AGBL1: variants seen among roughly 807,000 people sequenced by gnomAD.
AGBL1 encodes AGBL carboxypeptidase 1.
In AGBL1, 130 loss-of-function variants were observed where a neutral mutation model predicts 118.9. The observed-to-expected ratio is 1.09, with a 90% CI of 0.95 to 1.26. The LOEUF is 1.26. Among genes scored for constraint, AGBL1 ranks in the 50% most tolerant of loss-of-function variants. The probability of loss-of-function intolerance (pLI) is 0.00; values close to 1 mark genes in which losing one functional copy is unlikely to be tolerated. For synonymous variants in AGBL1, 555 were observed against 478.9 expected, an observed-to-expected ratio of 1.16 and a Z score of -2.08; for missense variants, 1,584 against 1,298.1, an observed-to-expected ratio of 1.22 and a Z score of -3.38.
At chr15:86,230,194 CT>C (rs1412563704) in intron 6 of AGBL1, among the ~76,000 whole-genome samples, 1 of 152,184 alleles carries the variant, frequency 6.6e-6, no homozygotes. Context: ...ATTCTAAGTG[CT>C]GAGAGCCGGA....
chr15:86,477,297 G>C (rs1472077346), intron 18 of AGBL1, among the ~76,000 whole-genome samples: 1 of 152,064 alleles, frequency 6.6e-6, no homozygotes, highest in Non-Finnish European at 1.5e-5. Flanking sequence ...TCCAGGAGCT[G>C]GTTTTTTGAA....
At chr15:86,149,436 T>G (rs2077076812) in intron 3 of AGBL1, among the ~76,000 whole-genome samples, 1 of 152,062 alleles carries the variant, frequency 6.6e-6, no homozygotes, top group Non-Finnish European at 1.5e-5. Context: ...GAAGAAGATC[T>G]ACCAAGCAAA....
At chr15:86,621,147 G>C (rs1376764805) in intron 21 of AGBL1, among the ~76,000 whole-genome samples, 1 of 152,168 alleles carries the variant, frequency 6.6e-6, no homozygotes, top group Non-Finnish European at 1.5e-5. Flanking sequence ...TGTGCTTGCA[G>C]ATTTCATTTG....
chr15:87,015,487 A>C (rs568469059), intron 24 of AGBL1, among the ~76,000 whole-genome samples: 1 of 149,040 alleles, frequency 6.7e-6, no homozygotes, highest in Admixed American at 6.6e-5. Context: ...ATGATATGGA[A>C]GTCAAACCAG....
At chr15:86,524,759 T>G (rs1167546515) in intron 19 of AGBL1, among the ~76,000 whole-genome samples, 1 of 152,168 alleles carries the variant, frequency 6.6e-6, no homozygotes, top group African/African-American at 2.4e-5. Context: ...GTTTATTTCC[T>G]AGGAGTCATT....
rs1228142213 is a variant in AGBL1 at position 86,909,006 on chromosome 15, T to C, written c.*1712T>C. 1.3e-5 allele frequency: 2 copies of C among 152,236 alleles called. No individual in the cohort carries two copies. The highest frequency in any genetic ancestry group is 2.4e-5 in the African/African-American group (1 of 41,474). 9.4% of individuals were successfully genotyped at this position (152,236 alleles called of 1,614,324 possible). A position where few individuals can be genotyped will look rare whatever the true frequency, so the allele number is the denominator to read the frequency against. ...AGTTTTCTGGCTCTACTGTGTGTGC[T>C]TCTACTCTTGGTCTAGAATGGCTGC... On this transcript the variant is annotated 3_prime_UTR_variant, in exon 23 of 23. Coordinates refer to ENST00000614907, the MANE Select transcript of AGBL1 (RefSeq NM_001386094.1).
chr15:86,394,944 C>G (rs1345506817), intron 17 of AGBL1, among the ~76,000 whole-genome samples: 1 of 152,102 alleles, frequency 6.6e-6, no homozygotes, highest in Non-Finnish European at 1.5e-5. Flanking sequence ...AATTCCTTCC[C>G]CTTCAAAAAT....
At chr15:86,768,604 G>A (rs572388910) in intron 22 of AGBL1, among the ~76,000 whole-genome samples, 7 of 151,982 alleles carry the variant, frequency 4.6e-5, no homozygotes, top group African/African-American at 1.4e-4. Context: ...TTTCAGCAAC[G>A]TAGGGAAGCC....
intron 22 of AGBL1, among the ~76,000 whole-genome samples, chr15:86,800,762 G>T (rs988785616): frequency 3.3e-5 from 5 of 152,084 alleles, no homozygotes; most frequent in Non-Finnish European, 7.4e-5. Context: ...GAAAATATTT[G>T]CTTTAATATT....
intron 22 of AGBL1, among the ~76,000 whole-genome samples, chr15:86,774,391 A>T (rs909900235): frequency 2.2e-4 from 33 of 152,164 alleles, no homozygotes; most frequent in African/African-American, 7.7e-4. Context: ...ACATAGAAAA[A>T]GGACAATGGA....
At chr15:86,931,729 T>C (rs2080608572) in intron 23 of AGBL1, among the ~76,000 whole-genome samples, 1 of 152,270 alleles carries the variant, frequency 6.6e-6, no homozygotes, top group Non-Finnish European at 1.5e-5. Context: ...GTAGAAATAC[T>C]CTGAATTCTA....
chr15:87,015,028 G>C (rs1257594446), intron 24 of AGBL1, among the ~76,000 whole-genome samples: 1 of 152,092 alleles, frequency 6.6e-6, no homozygotes, highest in Non-Finnish European at 1.5e-5. Flanking sequence ...CAATCAGCTT[G>C]GGGCCCTGAT....
At chr15:86,097,241 T>A (rs749651124) in intron 1 of AGBL1, among the ~76,000 whole-genome samples, 1 of 152,202 alleles carries the variant, frequency 6.6e-6, no homozygotes, top group African/African-American at 2.4e-5. Context: ...TTGTTACATA[T>A]ATAGAATGTG....
At chr15:86,851,850 T>C (rs2079411182) in intron 22 of AGBL1, among the ~76,000 whole-genome samples, 1 of 152,152 alleles carries the variant, frequency 6.6e-6, no homozygotes, top group African/African-American at 2.4e-5. Context: ...AGATTTGAAT[T>C]TCATATGGAA....
chr15:86,407,494 C>T (rs2081546686), intron 18 of AGBL1, among the ~76,000 whole-genome samples: 1 of 152,068 alleles, frequency 6.6e-6, no homozygotes, highest in Non-Finnish European at 1.5e-5. Flanking sequence ...CTGAGTGTAC[C>T]TAATCTTTCT....
At chr15:86,506,364 C>G (rs577596617) in intron 18 of AGBL1, among the ~76,000 whole-genome samples, 91 of 152,108 alleles carry the variant, frequency 6.0e-4, no homozygotes, top group African/African-American at 2.1e-3. Flanking sequence ...GTGGTTTGCC[C>G]ATTGGTTGCC....
intron 19 of AGBL1, among the ~76,000 whole-genome samples, chr15:86,532,243 A>G (rs2083360082): frequency 6.6e-6 from 1 of 151,714 alleles, no homozygotes; most frequent in Admixed American, 6.6e-5. Context: ...CCTTAAGCTG[A>G]TAAGCAACTT....
intron 23 of AGBL1, among the ~76,000 whole-genome samples, chr15:86,951,305 G>A (rs901491809): frequency 3.3e-5 from 5 of 152,134 alleles, no homozygotes; most frequent in African/African-American, 1.2e-4. Flanking sequence ...CATACCCTAA[G>A]TTTTCAGCTG....
At chr15:86,494,990 C>A (rs528262302) in intron 18 of AGBL1, among the ~76,000 whole-genome samples, 26 of 151,286 alleles carry the variant, frequency 1.7e-4, no homozygotes, top group Non-Finnish European at 3.1e-4. Flanking sequence ...AGATTTAAGC[C>A]CCCTTTGAAT....
Sources: allele counts gnomAD v4.1 joint callset (sites outside exome capture counted in the v4.1 genomes callset), GRCh38; gene constraint gnomAD v4.1.1; transcripts MANE v1.5; gene names NCBI Gene and HGNC (gene_info 2026-07-23, HGNC 2026-07-21).